The following CCDC33 variants were observed in gnomAD, a reference collection of about 807,000 sequenced individuals.
The protein encoded by CCDC33 is coiled-coil domain-containing protein 33.
In CCDC33, 94 loss-of-function variants were observed where a neutral mutation model predicts 91.9. That is an observed-to-expected ratio of 1.02 (90% CI 0.87 to 1.21). The LOEUF is 1.21. Among genes scored for constraint, CCDC33 ranks in the 50% most tolerant of loss-of-function variants. The pLI, the probability that CCDC33 is intolerant of heterozygous loss-of-function variation, is 0.00. For synonymous variants in CCDC33, 396 were observed against 374.5 expected, an observed-to-expected ratio of 1.06 and a Z score of -0.66; for missense variants, 940 against 935.5, an observed-to-expected ratio of 1.00 and a Z score of -0.06.
At chr15:74,251,514 G>A (rs1430839623) in intron 2 of CCDC33, among the ~76,000 whole-genome samples, 1 of 152,240 alleles carries the variant, frequency 6.6e-6, no homozygotes. Context: ...GCCAGCATTG[G>A]CAGCTGCTTC....
upstream of CCDC33, among the ~76,000 whole-genome samples, chr15:74,235,905 T>C (rs190985917): frequency 7.2e-3 from 1,089 of 152,254 alleles, 12 homozygotes; most frequent in Middle Eastern, 0.075. Flanking sequence ...CTCTCCCCGA[T>C]CTTCCCACCC....
intron 10 of CCDC33, 24 bp from the exon 11 acceptor site, chr15:74,295,730 T>C (rs1016884395): frequency 6.3e-6 from 10 of 1,596,262 alleles, no homozygotes; most frequent in African/African-American, 1.3e-5. Flanking sequence ...TGTCCTGAAG[T>C]TTCTCTGCAC....
intron 11 of CCDC33, among the ~76,000 whole-genome samples, chr15:74,296,221 T>C (rs1427873600): frequency 3.3e-5 from 5 of 152,232 alleles, no homozygotes; most frequent in African/African-American, 1.2e-4. Context: ...GTTCCATTTA[T>C]GTGTGTAGGC....
At chr15:74,335,145 C>T in intron 18 of CCDC33, 57 bp downstream of exon 18, 1 of 1,348,938 alleles carries the variant, frequency 7.4e-7, no homozygotes, top group Non-Finnish European at 1.1e-6. Context: ...CAGGAAGCCA[C>T]CGCACCCCCA....
chr15:74,219,657 G>C (rs2074537573), intron 2 of CCDC33, among the ~76,000 whole-genome samples: 1 of 152,172 alleles, frequency 6.6e-6, no homozygotes, highest in East Asian at 1.9e-4. Context: ...ACTAGGAACG[G>C]CTTCTTGGAA....
intron 11 of CCDC33, among the ~76,000 whole-genome samples, chr15:74,305,438 A>G (rs2059875351): frequency 6.6e-6 from 1 of 152,186 alleles, no homozygotes; most frequent in South Asian, 2.1e-4. Flanking sequence ...AGGCTTCCAT[A>G]GAGAAAGCCC....
At chr15:74,295,083 C>G (rs953964239) in intron 10 of CCDC33, among the ~76,000 whole-genome samples, 3 of 152,178 alleles carry the variant, frequency 2.0e-5, no homozygotes, top group Non-Finnish European at 4.4e-5. Flanking sequence ...GAAAATAGGT[C>G]TACATAGCAA....
intron 5 of CCDC33, among the ~76,000 whole-genome samples, chr15:74,269,618 G>C (rs2076260934): frequency 6.6e-6 from 1 of 152,232 alleles, no homozygotes; most frequent in African/African-American, 2.4e-5. Context: ...ACAGGGAGGA[G>C]GCCACATCCC....
intron 11 of CCDC33, among the ~76,000 whole-genome samples, chr15:74,321,126 A>G (rs977392737): frequency 6.6e-6 from 1 of 152,216 alleles, no homozygotes; most frequent in African/African-American, 2.4e-5. Context: ...ACGGCCCCTC[A>G]GAACTGGGCT....
At chr15:74,221,216 G>GTTTTTT (rs56039521) in intron 2 of CCDC33, 90 of 676,384 alleles carry the variant, frequency 1.3e-4, no homozygotes, top group African/African-American at 1.9e-4. Context: ...TGTGGCACTG[G>GTTTTTT]TTTTTTTTTT....
upstream of CCDC33, chr15:74,236,244 G>A (rs1301772047): frequency 6.4e-6 from 1 of 155,246 alleles, no homozygotes; most frequent in Non-Finnish European, 1.4e-5. Flanking sequence ...CACTGCACCT[G>A]GACAGGTGCC....
chr15:74,281,857 T>C lies in CCDC33; in HGVS notation c.1095+8T>C, dbSNP rs751640061. 1 of 1,613,270 alleles carries C rather than the reference T, an allele frequency of 6.2e-7. No homozygotes were observed. Among genetic ancestry groups the C allele is most frequent in the South Asian group, 1.1e-5 (1 of 91,026 alleles). ...CAGCTGCTTTCCTCTGAGGTAAGGC[T>C]GTGGGCCAGGGGAGGGTCAGGGCCA... On this transcript the variant is annotated splice_region_variant and intron_variant, in intron 10 of 18. Coordinates refer to ENST00000398814, the MANE Select transcript of CCDC33 (RefSeq NM_025055.5).
chr15:74,204,453 C>G (rs1362703715), intron 1 of CCDC33, among the ~76,000 whole-genome samples: 1 of 152,218 alleles, frequency 6.6e-6, no homozygotes, highest in African/African-American at 2.4e-5. Flanking sequence ...CCAGAGTCCC[C>G]GTGCCCACAC....
At chr15:74,226,633 C>T (rs976884420) in intron 2 of CCDC33, among the ~76,000 whole-genome samples, 2 of 152,086 alleles carry the variant, frequency 1.3e-5, no homozygotes, top group Non-Finnish European at 2.9e-5. Context: ...TCCAGACCAG[C>T]CTGACCAACA....
chr15:74,281,915 C>A, intron 10 of CCDC33, 66 bp downstream of exon 10: 1 of 1,410,166 alleles, frequency 7.1e-7, no homozygotes, highest in Non-Finnish European at 1.0e-6. Flanking sequence ...CAACTTCCTT[C>A]ACAATTGCTG....
At chr15:74,305,394 CACT>C (rs972395419) in intron 11 of CCDC33, among the ~76,000 whole-genome samples, 2 of 152,296 alleles carry the variant, frequency 1.3e-5, no homozygotes, top group African/African-American at 4.8e-5. Context: ...TTGTACTGGG[CACT>C]ACAGATATTA....
chr15:74,234,660 C>T (rs1470597648), upstream of CCDC33, among the ~76,000 whole-genome samples: 1 of 152,140 alleles, frequency 6.6e-6, no homozygotes, highest in Non-Finnish European at 1.5e-5. Flanking sequence ...AGTGCCCAAT[C>T]GCATTATCTT....
chr15:74,266,823 G>T, intron 4 of CCDC33, 36 bp downstream of exon 4: 1 of 1,492,392 alleles, frequency 6.7e-7, no homozygotes, highest in Non-Finnish European at 9.3e-7. Context: ...CGGGAGAGCA[G>T]GTGGGAACCA....
chr15:74,242,797 G>A (rs544081935), intron 1 of CCDC33, among the ~76,000 whole-genome samples: 30 of 152,140 alleles, frequency 2.0e-4, no homozygotes, highest in African/African-American at 5.1e-4. Flanking sequence ...ACCCCACCGC[G>A]TTTATATGCC....
Sources: allele counts gnomAD v4.1 joint callset (sites outside exome capture counted in the v4.1 genomes callset), GRCh38; gene constraint gnomAD v4.1.1; transcripts MANE v1.5; gene names NCBI Gene and HGNC (gene_info 2026-07-23, HGNC 2026-07-21).